DYRK1A: variants seen among roughly 807,000 people sequenced by gnomAD.
The protein encoded by DYRK1A is dual specificity tyrosine-phosphorylation-regulated kinase 1A.
DYRK1A carries 9 observed loss-of-function variants against 79.7 expected under a neutral mutation model. The observed-to-expected ratio is 0.11, with a 90% CI of 0.07 to 0.20. The LOEUF (loss-of-function observed/expected upper bound fraction) is 0.20. Among genes scored for constraint, DYRK1A ranks in the 10% least tolerant of loss-of-function variants. DYRK1A has a pLI of 1.00. For missense variants in DYRK1A, 622 were observed against 956.0 expected (o/e 0.65, Z 4.61); for synonymous variants, 349 against 329.7 (o/e 1.06, Z -0.63).
At chr21:37,390,777 C>T (rs926613556) in intron 1 of DYRK1A, among the ~76,000 whole-genome samples, 2 of 152,032 alleles carry the variant, frequency 1.3e-5, no homozygotes, top group African/African-American at 4.8e-5. Context: ...GCCATGTTGC[C>T]CAGGCTGGTT....
At chr21:37,475,179 C>T (rs557351586) in intron 3 of DYRK1A, among the ~76,000 whole-genome samples, 1 of 152,284 alleles carries the variant, frequency 6.6e-6, no homozygotes, top group African/African-American at 2.4e-5. Context: ...TTTCTAGCTC[C>T]TGGAGGCAGA....
rs939945791 is a variant in DYRK1A, at chr21:37,521,454, CAA to C, written c.*8925_*8926del. On this transcript the variant is annotated 3_prime_UTR_variant, in exon 12 of 12. Transcript: ENST00000647188. ...GTGAGAACTATATAAGAGAAATCAA[CAA>C]ATATTAATTGAACACCAGTCATGTG... 6.6e-6 allele frequency: 1 copy of C among 152,216 alleles called. No homozygotes were observed. The highest frequency in any genetic ancestry group is 1.5e-5 in the Non-Finnish European group (1 of 68,044). The allele number at this position is 152,216 out of a possible 1,614,324, so 9.4% of individuals were successfully genotyped here.
chr21:37,446,139 C>T (rs1048153222), intron 2 of DYRK1A, among the ~76,000 whole-genome samples: 1 of 152,132 alleles, frequency 6.6e-6, no homozygotes, highest in African/African-American at 2.4e-5. Context: ...GTTAGTGACC[C>T]ACACCTGCTG....
intron 3 of DYRK1A, 173 bp from the exon 4 acceptor site, chr21:37,478,035 T>C (rs1411789381): frequency 6.2e-6 from 5 of 810,008 alleles, no homozygotes; most frequent in East Asian, 2.7e-5. Flanking sequence ...GTTGTCTTTA[T>C]TGGAATCCAC....
At chr21:37,477,296 G>T (rs2052434115) in intron 3 of DYRK1A, among the ~76,000 whole-genome samples, 1 of 152,070 alleles carries the variant, frequency 6.6e-6, no homozygotes, top group African/African-American at 2.4e-5. Flanking sequence ...AGATGGGCCA[G>T]GGGGAATGGC....
At chr21:37,444,467 C>G (rs913674118) in intron 2 of DYRK1A, among the ~76,000 whole-genome samples, 9 of 152,170 alleles carry the variant, frequency 5.9e-5, no homozygotes, top group African/African-American at 2.2e-4. Flanking sequence ...AGTACGGAAG[C>G]CTTCACTGGG....
intron 6 of DYRK1A, chr21:37,488,490 C>G (rs2052957026): frequency 1.2e-6 from 1 of 838,822 alleles, no homozygotes; most frequent in Non-Finnish European, 1.4e-6. Flanking sequence ...AGCCAAATTT[C>G]TTATCTGGAT....
At chr21:37,369,414 G>C (rs1032080393) in intron 1 of DYRK1A, among the ~76,000 whole-genome samples, 1 of 152,208 alleles carries the variant, frequency 6.6e-6, no homozygotes, top group Admixed American at 6.5e-5. Context: ...CTTGATTATA[G>C]TCAAGATTTT....
intron 2 of DYRK1A, among the ~76,000 whole-genome samples, chr21:37,466,594 T>C (rs2052032981): frequency 6.6e-6 from 1 of 152,132 alleles, no homozygotes; most frequent in Non-Finnish European, 1.5e-5. Context: ...CAAAAATTGA[T>C]GCAGAGAAGG....
chr21:37,367,675 T>C (rs978789733), intron 1 of DYRK1A, 47 bp downstream of exon 1: 1 of 135,548 alleles, frequency 7.4e-6, no homozygotes, highest in South Asian at 2.7e-4. Context: ...GGCGCTCGGC[T>C]CCCCCGGCGG....
chr21:37,517,166 CA>C lies in DYRK1A; in HGVS notation c.*4636del, dbSNP rs1424987921. On this transcript the variant is annotated 3_prime_UTR_variant, in exon 12 of 12. Transcript: ENST00000647188. ...CAGTCCCAGCTGGGTCCTGAAGGAGCACAGTACTAGAGCCTGAGTCATGTTG... is the reference window on the plus strand; with the variant it reads ...CAGTCCCAGCTGGGTCCTGAAGGAGCCAGTACTAGAGCCTGAGTCATGTTG... 3.9e-5 allele frequency: 6 copies of C among 152,218 alleles called. No individual in the cohort carries two copies. Among genetic ancestry groups the C allele is most frequent in the African/African-American group, 1.2e-4 (5 of 41,444 alleles). 9.4% of individuals were successfully genotyped at this position (152,218 alleles called of 1,614,324 possible).
intron 3 of DYRK1A, 111 bp downstream of exon 3, chr21:37,472,991 C>T (rs1453228305): frequency 1.3e-5 from 11 of 832,900 alleles, no homozygotes; most frequent in African/African-American, 3.5e-5. Flanking sequence ...TTACATGCAA[C>T]GTGGGATTAT....
At chr21:37,403,792 A>T (rs2050101787) in intron 1 of DYRK1A, among the ~76,000 whole-genome samples, 1 of 147,730 alleles carries the variant, frequency 6.8e-6, no homozygotes, top group Non-Finnish European at 1.5e-5. Flanking sequence ...ACTTTTGATG[A>T]ATACTGTTTT....
chr21:37,493,480 A>G (rs2053163698), intron 8 of DYRK1A, among the ~76,000 whole-genome samples: 1 of 152,252 alleles, frequency 6.6e-6, no homozygotes, highest in South Asian at 2.1e-4. Context: ...GCCATCCTGA[A>G]GAGTGATACA....
At chr21:37,489,356 C>T (rs886458984) in intron 6 of DYRK1A, among the ~76,000 whole-genome samples, 3 of 152,132 alleles carry the variant, frequency 2.0e-5, no homozygotes, top group African/African-American at 7.2e-5. Context: ...GATGTGACGT[C>T]AGTGTTAATA....
Position 37,518,198 on chromosome 21 carries a change from G to A in DYRK1A, c.*5667G>A, listed in dbSNP as rs1247223717. 2.0e-5 allele frequency: 3 copies of A among 152,200 alleles called. No homozygotes were observed. The highest frequency in any genetic ancestry group is 1.9e-4 in the East Asian group (1 of 5,198). The allele number at this position is 152,200 out of a possible 1,614,324, so 9.4% of individuals were successfully genotyped here. On this transcript the variant is annotated 3_prime_UTR_variant, in exon 12 of 12. Coordinates refer to ENST00000647188, the MANE Select transcript of DYRK1A (RefSeq NM_001347721.2). ...CTGTAAAGATTTAAAGCGGAAAAGC[G>A]GAATGCAGTGAAATAGCATGAGAAA...
At chr21:37,468,631 A>T (rs187408257) in intron 2 of DYRK1A, among the ~76,000 whole-genome samples, 2 of 152,332 alleles carry the variant, frequency 1.3e-5, no homozygotes, top group Admixed American at 6.5e-5. Context: ...TGTCTTTTAA[A>T]TAATTGGTTA....
In DYRK1A at chr21:37,525,280, C is replaced by T. The variant is rs1039211090; in HGVS notation, c.*12749C>T. ...GAGGTTTAATGGACTCACAGTCCCGCATGGTTGGGGAGGCCTCACAATCGT... is the reference window on the plus strand; with the variant it reads ...GAGGTTTAATGGACTCACAGTCCCGTATGGTTGGGGAGGCCTCACAATCGT... On this transcript the variant is annotated 3_prime_UTR_variant, in exon 12 of 12. Transcript: ENST00000647188. The T allele has an allele frequency of 1.3e-5, 2 of 152,280 alleles. No homozygotes were observed. The highest frequency in any genetic ancestry group is 2.4e-5 in the African/African-American group (1 of 41,434). The allele number at this position is 152,280 out of a possible 1,614,324, so 9.4% of individuals were successfully genotyped here. A position where few individuals can be genotyped will look rare whatever the true frequency, so the allele number is the denominator to read the frequency against.
chr21:37,503,346 C>T (rs576585984), intron 9 of DYRK1A: 1 of 152,134 alleles, frequency 6.6e-6, no homozygotes, highest in South Asian at 2.1e-4. Flanking sequence ...CTTTTTCTGT[C>T]TTCTTGTTCA....
Sources: gnomAD v4.1 joint callset for allele counts (sites outside exome capture counted in the v4.1 genomes callset) on GRCh38, gnomAD v4.1.1 for gene constraint, MANE v1.5 for transcripts, NCBI Gene and HGNC (gene_info 2026-07-23, HGNC 2026-07-21) for gene names.